STX6: variants seen among roughly 807,000 people sequenced by gnomAD.
STX6 encodes syntaxin-6.
STX6 carries 23 observed loss-of-function variants against 38.0 expected under a neutral mutation model. The ratio of observed to expected loss-of-function variants is 0.60; its 90% CI spans 0.43 to 0.86. The LOEUF (loss-of-function observed/expected upper bound fraction) is 0.86, where lower values mean the gene tolerates loss of function less well. Ranked by LOEUF, STX6 falls within the 40% of genes least tolerant of loss-of-function variation. The pLI, the probability that STX6 is intolerant of heterozygous loss-of-function variation, is 0.00. For synonymous variants in STX6, 123 were observed against 107.5 expected, an observed-to-expected ratio of 1.14 and a Z score of -0.89; for missense variants, 274 against 312.9, an observed-to-expected ratio of 0.88 and a Z score of 0.94.
intron 6 of STX6, among the ~76,000 whole-genome samples, chr1:180,985,925 C>T (rs1290516653): frequency 3.3e-5 from 5 of 152,234 alleles, no homozygotes; most frequent in African/African-American, 1.2e-4. Context: ...TTCATTAAAT[C>T]AACTGTTACA....
chr1:180,988,327 C>T lies in STX6; in HGVS notation c.508G>A (p.Asp170Asn). 1.2e-6 allele frequency: 2 copies of T among 1,613,870 alleles called. No homozygotes were observed. Among genetic ancestry groups the T allele is most frequent in the Non-Finnish European group, 8.5e-7 (1 of 1,179,860 alleles). Residue 170 changes from aspartate (D) to asparagine (N), a missense_variant, in exon 6 of 8, where the codon GAT becomes AAT. By Grantham distance (23) the Asp-to-Asn change is conservative. Coordinates refer to ENST00000258301, the MANE Select transcript of STX6 (RefSeq NM_005819.6). Reference sequence around the variant, plus strand: ...CCAGAGACCAGCTCCAACTGCTCATCCTGCTGTTCCACGATCAACTGGTGC... The same window carrying T: ...CCAGAGACCAGCTCCAACTGCTCATTCTGCTGTTCCACGATCAACTGGTGC... ...AQQQLIVEQQ[D>N]EQLELVSGSI...
intron 3 of STX6, among the ~76,000 whole-genome samples, chr1:180,994,168 T>C (rs894307586): frequency 2.6e-5 from 4 of 152,236 alleles, no homozygotes; most frequent in East Asian, 3.8e-4. Flanking sequence ...CAATCTACTA[T>C]AGAATGATTT....
chr1:181,015,756 T>A (rs1247428584), intron 1 of STX6, among the ~76,000 whole-genome samples: 1 of 145,244 alleles, frequency 6.9e-6, no homozygotes, highest in African/African-American at 2.6e-5. Context: ...CAAAAGAGGG[T>A]TCAAGCAATT....
intron 1 of STX6, among the ~76,000 whole-genome samples, chr1:181,019,916 A>C (rs1656676350): frequency 6.6e-6 from 1 of 152,098 alleles, no homozygotes; most frequent in African/African-American, 2.4e-5. Flanking sequence ...TAATCACAGC[A>C]CTTTGGGAGG....
chr1:180,991,362 G>A (rs761855807), intron 4 of STX6, among the ~76,000 whole-genome samples: 2 of 152,036 alleles, frequency 1.3e-5, no homozygotes, highest in Non-Finnish European at 2.9e-5. Flanking sequence ...GGGCTATCAA[G>A]ACTGAAAAGA....
In STX6 at chr1:180,988,345, A is replaced by G. The variant is rs1655652576; in HGVS notation, c.490T>C (p.Leu164=). The part of the protein sequence containing the change: ...FIEEQQAQQQ[L]IVEQQDEQLE... ...TGCTCATCCTGCTGTTCCACGATCA[A>G]CTGGTGCCAGAGAAATGGGAAATAA... The change falls in exon 6 of 8, where the codon TTG becomes CTG. Residue 164 remains leucine, a splice_region_variant and synonymous_variant. Coordinates refer to ENST00000258301, the MANE Select transcript of STX6 (RefSeq NM_005819.6). 2 of 1,612,336 alleles carry G rather than the reference A, an allele frequency of 1.2e-6. No individual in the cohort carries two copies. The highest frequency in any genetic ancestry group is 1.7e-6 in the Non-Finnish European group (2 of 1,178,594).
intron 4 of STX6, among the ~76,000 whole-genome samples, chr1:180,991,086 T>A (rs1404087448): frequency 1.3e-5 from 2 of 152,224 alleles, no homozygotes; most frequent in Non-Finnish European, 2.9e-5. Flanking sequence ...AAAGCCTGCC[T>A]GGTTACTTGG....
intron 3 of STX6, among the ~76,000 whole-genome samples, chr1:181,002,042 C>T (rs534463118): frequency 3.3e-5 from 5 of 152,216 alleles, no homozygotes; most frequent in Admixed American, 6.5e-5. Flanking sequence ...TGGTGGTGCA[C>T]GCCTGTAGTC....
intron 1 of STX6, among the ~76,000 whole-genome samples, chr1:181,021,786 AGGATAGCTTGTAAGGG>A (rs1656734273): frequency 6.6e-6 from 1 of 152,252 alleles, no homozygotes; most frequent in East Asian, 1.9e-4. Flanking sequence ...AAGATGAGCT[AGGATAGCTTGTAAGGG>A]AACAGAAGGC....
In STX6 at chr1:180,976,328, G is replaced by A. The variant is rs1395109582; in HGVS notation, c.*242C>T. 8.0e-6 allele frequency: 4 copies of A among 497,014 alleles called. No individual in the cohort carries two copies. The highest frequency in any genetic ancestry group is 3.9e-5 in the African/African-American group (2 of 51,824). The allele number at this position is 497,014 out of a possible 1,614,324, so 30.8% of individuals were successfully genotyped here. A position where few individuals can be genotyped will look rare whatever the true frequency, so the allele number is the denominator to read the frequency against. ...AGTTCTCCTCCGAACTGGACAGGCG[G>A]CATGGGGCTTCTGTTGTCCAGCTGC... On this transcript the variant is annotated 3_prime_UTR_variant, in exon 8 of 8. Coordinates refer to ENST00000258301, the MANE Select transcript of STX6 (RefSeq NM_005819.6).
At chr1:180,992,093 A>C (rs961027486) in intron 4 of STX6, among the ~76,000 whole-genome samples, 1 of 152,016 alleles carries the variant, frequency 6.6e-6, no homozygotes, top group African/African-American at 2.4e-5. Flanking sequence ...CACTTCCTAT[A>C]AGCTCAAGTG....
intron 1 of STX6, among the ~76,000 whole-genome samples, chr1:181,017,485 T>C (rs1409757709): frequency 6.6e-6 from 1 of 152,228 alleles, no homozygotes; most frequent in Non-Finnish European, 1.5e-5. Flanking sequence ...ATGGTATTTG[T>C]ACCTTTTATC....
intron 1 of STX6, among the ~76,000 whole-genome samples, chr1:181,009,325 C>T (rs754922013): frequency 1.1e-4 from 17 of 151,764 alleles, no homozygotes; most frequent in African/African-American, 1.9e-4. Flanking sequence ...AAAAATTAGC[C>T]GGGCATGGTG....
intron 1 of STX6, among the ~76,000 whole-genome samples, chr1:181,010,571 G>A (rs1656361408): frequency 6.6e-6 from 1 of 152,140 alleles, no homozygotes; most frequent in Non-Finnish European, 1.5e-5. Context: ...TAATGTGCTA[G>A]GATTACAGGT....
At chr1:180,983,321 A>C (rs1655467560) in intron 7 of STX6, among the ~76,000 whole-genome samples, 1 of 152,244 alleles carries the variant, frequency 6.6e-6, no homozygotes, top group Admixed American at 6.5e-5. Context: ...AGGTGTCAAG[A>C]AACAGGGCAT....
At chr1:180,997,177 TA>T (rs944500302) in intron 3 of STX6, among the ~76,000 whole-genome samples, 1 of 152,234 alleles carries the variant, frequency 6.6e-6, no homozygotes, top group African/African-American at 2.4e-5. Context: ...TTGTAGGGAT[TA>T]ATAGAGGTAA....
chr1:181,014,099 A>T (rs1218410203), intron 1 of STX6, among the ~76,000 whole-genome samples: 1 of 152,190 alleles, frequency 6.6e-6, no homozygotes, highest in African/African-American at 2.4e-5. Context: ...CAGCTTCACA[A>T]TTTAATAAAA....
intron 1 of STX6, among the ~76,000 whole-genome samples, chr1:181,005,669 T>C (rs1055672954): frequency 1.3e-5 from 2 of 152,202 alleles, no homozygotes; most frequent in Non-Finnish European, 2.9e-5. Flanking sequence ...TGGAATACAA[T>C]AGCCATTATT....
intron 5 of STX6, among the ~76,000 whole-genome samples, 172 bp downstream of exon 5, chr1:180,989,812 T>C (rs1223249041): frequency 6.6e-6 from 1 of 152,150 alleles, no homozygotes; most frequent in South Asian, 2.1e-4. Flanking sequence ...GCAGTCACAC[T>C]GTGAAGATTT....
Sources: gnomAD v4.1 joint callset for allele counts (sites outside exome capture counted in the v4.1 genomes callset) on GRCh38, gnomAD v4.1.1 for gene constraint, MANE v1.5 for transcripts, NCBI Gene and HGNC (gene_info 2026-07-23, HGNC 2026-07-21) for gene names.